Variants in NAALADL2 observed in about 807,000 individuals in gnomAD.
The protein encoded by NAALADL2 is N-acetylated alpha-linked acidic dipeptidase like 2, also known as inactive N-acetylated-alpha-linked acidic dipeptidase-like protein 2.
In NAALADL2, 76 loss-of-function variants were observed where a neutral mutation model predicts 87.2. The observed-to-expected ratio is 0.87, with a 90% CI of 0.72 to 1.05. NAALADL2 has a LOEUF of 1.05. Ranked by LOEUF, NAALADL2 falls within the 50% of genes least tolerant of loss-of-function variation. The pLI is 0.00. For synonymous variants in NAALADL2, 354 were observed against 331.0 expected (o/e 1.07, Z -0.75); for missense variants, 1,089 against 945.8 (o/e 1.15, Z -1.99).
At chr3:175,371,289 C>T (rs1393658332) in intron 5 of NAALADL2, among the ~76,000 whole-genome samples, 1 of 151,786 alleles carries the variant, frequency 6.6e-6, no homozygotes, top group African/African-American at 2.4e-5. Flanking sequence ...TTTTTTGAGA[C>T]GGAGTACTCG....
chr3:175,320,535 G>A (rs903354567), intron 4 of NAALADL2, among the ~76,000 whole-genome samples: 1 of 152,140 alleles, frequency 6.6e-6, no homozygotes, highest in Non-Finnish European at 1.5e-5. Context: ...GGGTCTGTCA[G>A]GAGGTTCAGG....
chr3:174,614,572 G>C (rs1166528826), intron 2 of NAALADL2, among the ~76,000 whole-genome samples: 1 of 152,126 alleles, frequency 6.6e-6, no homozygotes, highest in Non-Finnish European at 1.5e-5. Context: ...GTCAAGGGAC[G>C]GGGGAGAGGT....
At chr3:175,529,584 C>T (rs1347352619) in intron 9 of NAALADL2, among the ~76,000 whole-genome samples, 1 of 152,114 alleles carries the variant, frequency 6.6e-6, no homozygotes, top group Non-Finnish European at 1.5e-5. Flanking sequence ...AGTATAGTCA[C>T]CTAGTTGGCA....
chr3:175,291,149 G>A (rs1755592730), intron 4 of NAALADL2, among the ~76,000 whole-genome samples: 1 of 151,998 alleles, frequency 6.6e-6, no homozygotes, highest in Non-Finnish European at 1.5e-5. Context: ...TATGTCAATG[G>A]ATCAATATTG....
At chr3:175,451,376 T>A (rs180790943) in intron 6 of NAALADL2, among the ~76,000 whole-genome samples, 2 of 152,142 alleles carry the variant, frequency 1.3e-5, no homozygotes, top group East Asian at 1.9e-4. Flanking sequence ...AAAAAGTTCC[T>A]CCTTAAATAG....
intron 5 of NAALADL2, among the ~76,000 whole-genome samples, chr3:175,328,410 T>C (rs539410351): frequency 1.3e-5 from 2 of 150,884 alleles, no homozygotes; most frequent in South Asian, 4.2e-4. Context: ...GAATGTAAGT[T>C]CTACTGTAAA....
chr3:174,636,834 A>T (rs1229061846), intron 2 of NAALADL2, among the ~76,000 whole-genome samples: 1 of 152,184 alleles, frequency 6.6e-6, no homozygotes, highest in Non-Finnish European at 1.5e-5. Flanking sequence ...TATCCAAAGG[A>T]AAATACATCA....
rs1485352972 is a variant in NAALADL2 at position 175,447,331 on chromosome 3, C to A, written c.1193C>A (p.Thr398Asn). The change falls in exon 6 of 14, where the codon ACC becomes AAC. Residue 398 changes from threonine (T) to asparagine (N), a missense_variant. Thr to Asn is a moderately conservative substitution (Grantham distance 65). Coordinates refer to ENST00000454872, the MANE Select transcript of NAALADL2 (RefSeq NM_207015.3). ...AKLISSPKAR[T>N]KNEACSSLEL... ...CTGATCTCTTCGCCAAAAGCTAGAA[C>A]CAAAAATGAAGCGTGTAGCTCTCTA... is the stretch of plus-strand genomic sequence containing the variant. The A allele has an allele frequency of 2.5e-6, 4 of 1,600,420 alleles. No homozygotes were observed. Among genetic ancestry groups the A allele is most frequent in the Non-Finnish European group, 3.4e-6 (4 of 1,172,636 alleles).
At chr3:174,535,389 G>A (rs1721632543) in intron 1 of NAALADL2, among the ~76,000 whole-genome samples, 1 of 152,118 alleles carries the variant, frequency 6.6e-6, no homozygotes, top group Non-Finnish European at 1.5e-5. Flanking sequence ...GGCTCTTAGT[G>A]GAAGAGACAG....
chr3:175,615,738 T>A (rs1725253308), intron 10 of NAALADL2, among the ~76,000 whole-genome samples: 1 of 151,634 alleles, frequency 6.6e-6, no homozygotes, highest in African/African-American at 2.4e-5. Context: ...GCACCTGTAG[T>A]CCCAGCTACT....
At chr3:175,311,600 C>T (rs575699388) in intron 4 of NAALADL2, among the ~76,000 whole-genome samples, 1 of 150,980 alleles carries the variant, frequency 6.6e-6, no homozygotes, top group South Asian at 2.1e-4. Context: ...CCTCCCTTAC[C>T]CACCCTCTTT....
intron 1 of NAALADL2, among the ~76,000 whole-genome samples, chr3:174,871,423 C>T (rs758305156): frequency 6.6e-5 from 10 of 152,158 alleles, no homozygotes; most frequent in Non-Finnish European, 2.9e-5. Context: ...CAGCATCTGG[C>T]GTCAGAAAAG....
Position 175,366,580 on chromosome 3 carries a change from G to T in NAALADL2, c.1090+42255G>T, listed in dbSNP as rs996948020. Among the ~76,000 whole-genome samples, 2 of 151,774 alleles carry T rather than the reference G, an allele frequency of 1.3e-5. 1 individual carries two copies. The highest frequency in any genetic ancestry group is 4.2e-4 in the South Asian group (2 of 4,810). On this transcript the variant is annotated intron_variant, in intron 5 of 13. Transcript: ENST00000454872. Reference sequence around the variant, plus strand: ...CTGGTGTGAGATGGTATCCCATTGTGGTTTTGATTTGCATTTCTCTGATGG... The same window carrying T: ...CTGGTGTGAGATGGTATCCCATTGTTGTTTTGATTTGCATTTCTCTGATGG...
At chr3:174,832,212 T>G (rs185231277) in intron 3 of NAALADL2, among the ~76,000 whole-genome samples, 1,996 of 152,272 alleles carry the variant, frequency 0.013, 44 homozygotes, top group African/African-American at 0.046. Flanking sequence ...GGGTGTCAAT[T>G]TTGGATCTTT....
rs1311325384 is a variant in NAALADL2 at position 174,508,114 on chromosome 3, G to GTTTTT, written c.-183-42442_-183-42438dup. Among the ~76,000 whole-genome samples the GTTTTT allele has an allele frequency of 1.7e-4, 18 of 103,898 alleles. 1 individual carries two copies. Among genetic ancestry groups the GTTTTT allele is most frequent in the African/African-American group, 5.3e-4 (15 of 28,190 alleles). The allele number at this position is 103,898 out of a possible 152,430, so 68.2% of individuals were successfully genotyped here. The stretch of plus-strand genomic sequence containing the variant: ...AATTTTAGCTATTGGATATCTAGTG[G>GTTTTT]TTTTTTTTTTTTTTTTTGAGACGAA... On this transcript the variant is annotated intron_variant, in intron 1 of 3. Transcript: ENST00000434257.
intron 2 of NAALADL2, among the ~76,000 whole-genome samples, chr3:174,724,432 T>C (rs1402004168): frequency 6.6e-6 from 1 of 152,166 alleles, no homozygotes; most frequent in Non-Finnish European, 1.5e-5. Flanking sequence ...TAAACAAATA[T>C]TGGTAGACTA....
chr3:175,618,848 G>A (rs1004285714), intron 10 of NAALADL2, among the ~76,000 whole-genome samples: 1 of 152,058 alleles, frequency 6.6e-6, no homozygotes, highest in African/African-American at 2.4e-5. Flanking sequence ...TCCGCTGTTG[G>A]TAACCTTTGG....
intron 4 of NAALADL2, among the ~76,000 whole-genome samples, chr3:175,321,227 G>C (rs1259445891): frequency 6.8e-6 from 1 of 146,354 alleles, no homozygotes; most frequent in African/African-American, 2.5e-5. Context: ...CAGTGCCAAA[G>C]ACAAAAACCA....
chr3:175,624,487 G>T (rs1017501393), intron 10 of NAALADL2, among the ~76,000 whole-genome samples: 2 of 152,038 alleles, frequency 1.3e-5, no homozygotes, highest in South Asian at 2.1e-4. Flanking sequence ...TTAATTAAAG[G>T]CATTCATTAT....
Sources: allele counts gnomAD v4.1 joint callset (sites outside exome capture counted in the v4.1 genomes callset), GRCh38; gene constraint gnomAD v4.1.1; transcripts MANE v1.5; gene names NCBI Gene and HGNC (gene_info 2026-07-23, HGNC 2026-07-21).